Variants in GTF2I observed in about 807,000 individuals in gnomAD.
GTF2I encodes general transcription factor II-I.
In GTF2I, 12 loss-of-function variants were observed where a neutral mutation model predicts 67.6. The observed-to-expected ratio is 0.18, with a 90% CI of 0.11 to 0.29. GTF2I has a LOEUF of 0.29. GTF2I is among the 10% of genes least tolerant of loss of function. The pLI is 1.00. For synonymous variants in GTF2I, 149 were observed against 197.0 expected (o/e 0.76, Z 2.04); for missense variants, 271 against 580.1 (o/e 0.47, Z 5.47).
At chr7:74,665,950 C>T (rs1804933641) in intron 1 of GTF2I, among the ~76,000 whole-genome samples, 1 of 152,216 alleles carries the variant, frequency 6.6e-6, no homozygotes, top group South Asian at 2.1e-4. Context: ...AGTGATTCTC[C>T]TGTCTTAGCT....
intron 1 of GTF2I, among the ~76,000 whole-genome samples, chr7:74,672,847 TTA>T (rs1554391123): frequency 6.6e-6 from 1 of 152,044 alleles, no homozygotes; most frequent in Non-Finnish European, 1.5e-5. Context: ...TTTTGAGAGT[TTA>T]TGAGTTTACT....
intron 6 of GTF2I, 127 bp downstream of exon 6, chr7:74,700,761 T>A (rs782686488): frequency 1.1e-6 from 1 of 915,166 alleles, no homozygotes; most frequent in South Asian, 1.4e-5. Flanking sequence ...ATGGGCTGTT[T>A]AGATGTTTAT....
chr7:74,698,871 G>A (rs1789339303), intron 3 of GTF2I, 90 bp from the exon 4 acceptor site: 2 of 538,844 alleles, frequency 3.7e-6, no homozygotes, highest in African/African-American at 3.9e-5. Flanking sequence ...TAGGATACAG[G>A]AAAACGATTT....
In GTF2I at chr7:74,716,907, T is replaced by G. The variant is rs782735566; in HGVS notation, c.837T>G (p.Ser279=). 4.0e-5 allele frequency: 64 copies of G among 1,606,484 alleles called. No homozygotes were observed. Among genetic ancestry groups the G allele is most frequent in the Non-Finnish European group, 5.4e-5 (63 of 1,175,406 alleles). ...LSKPLQGSHH[S]SEGNEGTEME... ...TTTTCTTTTTAGGAAGCCACCATTC[T>G]TCAGAGGGCAATGAAGGCACAGAAA... Residue 279 remains serine, a synonymous_variant, in exon 11 of 35, where the codon TCT becomes TCG. Coordinates refer to ENST00000573035, the MANE Select transcript of GTF2I (RefSeq NM_032999.4).
intron 11 of GTF2I, among the ~76,000 whole-genome samples, chr7:74,717,300 A>G (rs1792381101): frequency 7.5e-6 from 1 of 133,256 alleles, no homozygotes; most frequent in Non-Finnish European, 1.6e-5. Flanking sequence ...CTCCATTCAT[A>G]TTTTATTTTC....
At chr7:74,676,848 G>A (rs975079231) in intron 1 of GTF2I, among the ~76,000 whole-genome samples, 1 of 152,078 alleles carries the variant, frequency 6.6e-6, no homozygotes, top group Non-Finnish European at 1.5e-5. Context: ...TTGAGGTCAG[G>A]AGTTCAAGAC....
chr7:74,658,471 G>C (rs1248460291), intron 1 of GTF2I, among the ~76,000 whole-genome samples: 1 of 146,640 alleles, frequency 6.8e-6, no homozygotes, highest in Admixed American at 6.8e-5. Flanking sequence ...CCTGCGGGCT[G>C]CGCATGCCCC....
chr7:74,669,783 G>A (rs1554389967), intron 1 of GTF2I, among the ~76,000 whole-genome samples: 1 of 152,048 alleles, frequency 6.6e-6, no homozygotes, highest in Non-Finnish European at 1.5e-5. Flanking sequence ...CACTCACTTC[G>A]ACCTCCCAAA....
At chr7:74,705,410 G>A (rs1790501776) in intron 7 of GTF2I, among the ~76,000 whole-genome samples, 192 bp downstream of exon 7, 1 of 152,116 alleles carries the variant, frequency 6.6e-6, no homozygotes, top group Non-Finnish European at 1.5e-5. Context: ...TAGAGTTCCT[G>A]GGAAAAGCCA....
chr7:74,743,728 AG>A (rs1554408620), intron 20 of GTF2I: 15 of 425,550 alleles, frequency 3.5e-5, no homozygotes, highest in East Asian at 4.9e-5. Context: ...CTAAAAATAC[AG>A]GAAAATTAGC....
intron 8 of GTF2I, among the ~76,000 whole-genome samples, chr7:74,707,146 G>A (rs1458892434): frequency 2.0e-5 from 3 of 152,166 alleles, no homozygotes; most frequent in African/African-American, 4.8e-5. Flanking sequence ...CACCGTGCCC[G>A]GCCCCCGTTT....
At position 74,720,643 on chromosome 7, in the gene GTF2I, A is replaced by G. The variant is rs1359513670; in HGVS notation, c.943+1702A>G. 2.0e-5 allele frequency among the ~76,000 whole-genome samples: 3 copies of G among 152,126 alleles called. No homozygotes were observed. The South Asian group carries it at 6.2e-4, about 31-fold the overall frequency. On this transcript the variant is annotated intron_variant, in intron 12 of 34. Coordinates refer to ENST00000573035, the MANE Select transcript of GTF2I (RefSeq NM_032999.4). ...ACTCAGCTGTGCCCTTTCTATGGAG[A>G]TATTAATAGGAGGTTATTAAAATTA...
At chr7:74,691,538 G>T (rs909497464) in intron 3 of GTF2I, among the ~76,000 whole-genome samples, 4 of 152,044 alleles carry the variant, frequency 2.6e-5, no homozygotes, top group Non-Finnish European at 4.4e-5. Flanking sequence ...ACAGAATGAG[G>T]TTTAAACTAA....
intron 1 of GTF2I, among the ~76,000 whole-genome samples, chr7:74,678,700 T>G (rs1786924545): frequency 6.6e-6 from 1 of 152,168 alleles, no homozygotes. Context: ...ATAGTTTGCC[T>G]GACAGTACCT....
chr7:74,690,157 G>A (rs1019547064), intron 2 of GTF2I, among the ~76,000 whole-genome samples: 5 of 152,062 alleles, frequency 3.3e-5, no homozygotes, highest in Non-Finnish European at 5.9e-5. Flanking sequence ...GGAGGTTGCA[G>A]TGAGCCGAGA....
intron 6 of GTF2I, among the ~76,000 whole-genome samples, chr7:74,703,477 TCAA>T (rs1297476929): frequency 6.6e-6 from 1 of 152,020 alleles, no homozygotes; most frequent in Non-Finnish European, 1.5e-5. Flanking sequence ...CCTCCCGGGT[TCAA>T]GCAATTCTCC....
chr7:74,663,551 C>T (rs7801385), intron 1 of GTF2I, among the ~76,000 whole-genome samples: 119,629 of 152,154 alleles, frequency 0.79, 47,211 homozygotes, highest in East Asian at 0.94. Flanking sequence ...TCGGCCTCCC[C>T]AAGTGCTGAG....
intron 3 of GTF2I, among the ~76,000 whole-genome samples, chr7:74,694,576 T>C (rs2131309822): frequency 6.6e-6 from 1 of 152,162 alleles, no homozygotes; most frequent in African/African-American, 2.4e-5. Context: ...TCTTGAGATC[T>C]GTCTCAAAAG....
At chr7:74,678,214 C>T (rs1326278036) in intron 1 of GTF2I, among the ~76,000 whole-genome samples, 1 of 149,310 alleles carries the variant, frequency 6.7e-6, no homozygotes, top group Non-Finnish European at 1.5e-5. Flanking sequence ...GCTACTGAGC[C>T]CGGCTTTTTT....
Sources: gnomAD v4.1 joint callset for allele counts (sites outside exome capture counted in the v4.1 genomes callset) on GRCh38, gnomAD v4.1.1 for gene constraint, MANE v1.5 for transcripts, NCBI Gene and HGNC (gene_info 2026-07-23, HGNC 2026-07-21) for gene names.